KCTD10: variants seen among roughly 807,000 people sequenced by gnomAD.
KCTD10 encodes the protein BTB/POZ domain-containing adapter for CUL3-mediated RhoA degradation protein 3.
In KCTD10, 13 loss-of-function variants were observed where a neutral mutation model predicts 34.6. The ratio of observed to expected loss-of-function variants is 0.38; its 90% CI spans 0.24 to 0.60. KCTD10 has a LOEUF of 0.60. Ranked by LOEUF, KCTD10 falls within the 20% of genes least tolerant of loss-of-function variation. KCTD10 has a pLI of 0.66. For synonymous variants in KCTD10, 156 were observed against 168.8 expected, an observed-to-expected ratio of 0.92 and a Z score of 0.59; for missense variants, 256 against 420.3, an observed-to-expected ratio of 0.61 and a Z score of 3.42.
chr12:109,471,061 G>T, intron 1 of KCTD10: 1 of 967,182 alleles, frequency 1.0e-6, no homozygotes, highest in Non-Finnish European at 1.2e-6. Flanking sequence ...CTTGACTACA[G>T]GTATGCTCCT....
intron 3 of KCTD10, chr12:109,458,417 C>A: frequency 4.9e-6 from 1 of 203,260 alleles, no homozygotes; most frequent in Non-Finnish European, 9.9e-6. Context: ...ACTACCATGA[C>A]TGCAGAGGAA....
chr12:109,467,177 G>A (rs1873631299), intron 2 of KCTD10, among the ~76,000 whole-genome samples: 1 of 152,234 alleles, frequency 6.6e-6, no homozygotes, highest in African/African-American at 2.4e-5. Context: ...CAGACAGTAA[G>A]AGGCAGCAAG....
chr12:109,466,933 T>C (rs570032133), intron 2 of KCTD10, among the ~76,000 whole-genome samples: 3 of 152,348 alleles, frequency 2.0e-5, no homozygotes, highest in East Asian at 1.9e-4. Context: ...AAGGGTGCAT[T>C]TGAGGCAACA....
At chr12:109,454,741 AAAG>A (rs1315417547) in intron 6 of KCTD10, among the ~76,000 whole-genome samples, 1 of 152,210 alleles carries the variant, frequency 6.6e-6, no homozygotes, top group African/African-American at 2.4e-5. Context: ...AACAAAGAGA[AAAG>A]AAAGAGGCCC....
rs1592839217 is a variant in KCTD10 at position 109,459,578 on chromosome 12, T to C, written c.387+1058A>G. The C allele has an allele frequency of 2.0e-5, 3 of 152,262 alleles. No homozygotes were observed. The East Asian group carries it at 5.8e-4, about 29-fold the overall frequency. The allele number at this position is 152,262 out of a possible 1,614,324, so 9.4% of individuals were successfully genotyped here. Reference sequence around the variant, plus strand: ...AACTGTCAGCCGTATTTACACGTCATGACGTAAACTCTGAATTTAACCAAA... The same window carrying C: ...AACTGTCAGCCGTATTTACACGTCACGACGTAAACTCTGAATTTAACCAAA... On this transcript the variant is annotated intron_variant, in intron 3 of 6. Transcript: ENST00000228495.
intron 6 of KCTD10, chr12:109,455,408 C>T (rs1872966249): frequency 6.6e-6 from 1 of 151,816 alleles, no homozygotes. Flanking sequence ...AAAAAAAAGA[C>T]TCTGGTTTCT....
chr12:109,469,625 A>T lies in KCTD10; in HGVS notation c.107T>A (p.Leu36Gln). 1 of 1,614,196 alleles carries T rather than the reference A, an allele frequency of 6.2e-7. No homozygotes were observed. Among genetic ancestry groups the T allele is most frequent in the Admixed American group, 1.7e-5 (1 of 60,020 alleles). Residue 36 changes from leucine (L) to glutamine (Q), a missense_variant, in exon 2 of 7, where the codon CTG (leucine) becomes CAG (glutamine). Coordinates refer to ENST00000228495, the MANE Select transcript of KCTD10 (RefSeq NM_031954.5). ...GTSPSSKYVK[L>Q]NVGGALYYTT... ...ATAGTAGAGGGCTCCACCCACATTC[A>T]GCTTCACGTATTTGGAGCTGGGGCT...
At chr12:109,469,474 T>A in intron 2 of KCTD10, 41 bp downstream of exon 2, 3 of 1,603,854 alleles carry the variant, frequency 1.9e-6, no homozygotes, top group Non-Finnish European at 2.6e-6. Flanking sequence ...CTTGACCACA[T>A]AACGCATGGC....
chr12:109,468,794 A>C (rs1873726103), intron 2 of KCTD10, among the ~76,000 whole-genome samples: 1 of 151,798 alleles, frequency 6.6e-6, no homozygotes, highest in Non-Finnish European at 1.5e-5. Flanking sequence ...CTGGGACTAC[A>C]GGCACCCACC....
At chr12:109,453,113 T>C (rs1292390221) in intron 6 of KCTD10, among the ~76,000 whole-genome samples, 1 of 152,152 alleles carries the variant, frequency 6.6e-6, no homozygotes, top group Non-Finnish European at 1.5e-5. Context: ...CAGGCTGGAG[T>C]GCAGTGGCAC....
intron 1 of KCTD10, chr12:109,470,198 CA>C: frequency 1.0e-6 from 1 of 987,870 alleles, no homozygotes; most frequent in Non-Finnish European, 1.2e-6. Context: ...TGCCATGTAC[CA>C]CTCAATAGCT....
In KCTD10 at chr12:109,460,563, A is replaced by T. The variant is rs1592840068; in HGVS notation, c.387+73T>A. The T allele has an allele frequency of 2.3e-5, 34 of 1,460,002 alleles. No homozygotes were observed. In the South Asian group the frequency reaches 4.0e-4, roughly 17 times the overall value. 90.4% of individuals were successfully genotyped at this position (1,460,002 alleles called of 1,614,324 possible). A position where few individuals can be genotyped will look rare whatever the true frequency, so the allele number is the denominator to read the frequency against. ...CAGACAGAAACTGCCCCCATTTTGC[A>T]GAGAGGGAAAATGAGGAAGGCAGGT... On this transcript the variant is annotated intron_variant, in intron 3 of 6. Transcript: ENST00000228495. The surrounding 1 kb of genome is among the most constrained non-coding windows in gnomAD (Gnocchi z 4.5).
intron 2 of KCTD10, among the ~76,000 whole-genome samples, chr12:109,464,329 G>A (rs554233405): frequency 6.6e-6 from 1 of 152,280 alleles, no homozygotes; most frequent in African/African-American, 2.4e-5. Context: ...ATTCTTAGTT[G>A]TAAGAGGCTG....
Position 109,460,977 on chromosome 12 carries a change from C to A in KCTD10, c.218-172G>T, listed in dbSNP as rs563816577. ...CCACTAAGGGCTGAGGAAGCCCCCA[C>A]AGCCTCCAGGCCCTACTGGCTGGAC... On this transcript the variant is annotated intron_variant, in intron 2 of 6. Transcript: ENST00000228495. The surrounding 1 kb of genome is among the most constrained non-coding windows in gnomAD (Gnocchi z 4.5). 1.3e-5 allele frequency among the ~76,000 whole-genome samples: 2 copies of A among 152,218 alleles called. No individual in the cohort carries two copies. Among genetic ancestry groups the A allele is most frequent in the African/African-American group, 4.8e-5 (2 of 41,450 alleles).
chr12:109,456,063 C>A, intron 6 of KCTD10, 55 bp downstream of exon 6: 1 of 1,544,462 alleles, frequency 6.5e-7, no homozygotes, highest in Middle Eastern at 1.7e-4. Context: ...AAAGGAAGTT[C>A]TATAGGTGTG....
At chr12:109,468,745 C>T (rs1268194613) in intron 2 of KCTD10, among the ~76,000 whole-genome samples, 1 of 151,698 alleles carries the variant, frequency 6.6e-6, no homozygotes, top group African/African-American at 2.4e-5. Context: ...CTCCGCCTCC[C>T]GAGTTCACGT....
intron 1 of KCTD10, among the ~76,000 whole-genome samples, chr12:109,472,223 CAT>C (rs751828990): frequency 9.9e-5 from 15 of 152,118 alleles, no homozygotes; most frequent in Non-Finnish European, 2.9e-5. Context: ...GCTTAAAACA[CAT>C]ATTGCACAGC....
rs2135631966 is a variant in KCTD10, at chr12:109,451,437, C to T, written c.*158G>A. The T allele has an allele frequency of 2.9e-6, 2 of 680,026 alleles. No individual in the cohort carries two copies. Among genetic ancestry groups the T allele is most frequent in the Non-Finnish European group, 4.8e-6 (2 of 416,174 alleles). 42.1% of individuals were successfully genotyped at this position (680,026 alleles called of 1,614,324 possible). On this transcript the variant is annotated 3_prime_UTR_variant, in exon 7 of 7. Coordinates refer to ENST00000228495, the MANE Select transcript of KCTD10 (RefSeq NM_031954.5). This position sits in a 1 kb window ranked among gnomAD's most constrained non-coding sequence, Gnocchi z 5.0. ...CGCCTGGGTCAAGACAATCAATTTG[C>T]CTTGTCAAGCAATACCAAAATAATC...
Position 109,460,494 on chromosome 12 carries a change from A to C in KCTD10, c.387+142T>G. On this transcript the variant is annotated intron_variant, in intron 3 of 6. Coordinates refer to ENST00000228495, the MANE Select transcript of KCTD10 (RefSeq NM_031954.5). The surrounding 1 kb of genome is among the most constrained non-coding windows in gnomAD (Gnocchi z 4.5). ...CTCAGGGGTCACTCCAACCGAAGGA[A>C]TCGGGCTCCAGGGCAAACTCATTAA... The C allele has an allele frequency of 1.2e-6, 1 of 864,854 alleles. No homozygotes were observed. The highest frequency in any genetic ancestry group is 1.8e-6 in the Non-Finnish European group (1 of 566,756). The allele number at this position is 864,854 out of a possible 1,614,324, so 53.6% of individuals were successfully genotyped here.
Sources: gnomAD v4.1 joint callset for allele counts (sites outside exome capture counted in the v4.1 genomes callset) on GRCh38, gnomAD v4.1.1 for gene constraint, Gnocchi (gnomAD v3.1) non-coding constraint, MANE v1.5 for transcripts, NCBI Gene and HGNC (gene_info 2026-07-23, HGNC 2026-07-21) for gene names.